The following ADAMTSL1 variants were observed in gnomAD, a reference collection of about 807,000 sequenced individuals.
ADAMTSL1 encodes the protein ADAMTS like 1, also known as ADAMTS-like protein 1.
Under a neutral mutation model 201.8 loss-of-function variants are expected in ADAMTSL1, and 126 were observed. The observed-to-expected ratio is 0.62, with a 90% confidence interval of 0.54 to 0.72. The LOEUF (loss-of-function observed/expected upper bound fraction) is 0.72, where lower values mean the gene tolerates loss of function less well. ADAMTSL1 is among the 30% of genes least tolerant of loss of function. The probability of loss-of-function intolerance (pLI) is 0.00; values close to 1 mark genes in which losing one functional copy is unlikely to be tolerated. For missense variants in ADAMTSL1, 2,679 were observed against 2,277.8 expected (o/e 1.18, Z -3.59); for synonymous variants, 1,121 against 903.4 (o/e 1.24, Z -4.32).
chr9:18,770,774 G>T lies in ADAMTSL1; in HGVS notation c.2390G>T (p.Trp797Leu). 1 of 1,613,696 alleles carries T rather than the reference G, an allele frequency of 6.2e-7. No individual in the cohort carries two copies. The highest frequency in any genetic ancestry group is 1.1e-5 in the South Asian group (1 of 90,986). ...CCCAGCGAGTGGCTTCTCTCAGACT[G>T]GACAGAGGTATGTATGTTCCTCCGA... ...DCPSEWLLSD[W>L]TECSTSCGEG... The change falls in exon 17 of 29, where the codon TGG becomes TTG. Residue 797 changes from tryptophan to leucine, a missense_variant. By Grantham distance (61) the Trp-to-Leu change is moderately conservative. Transcript: ENST00000380548.
chr9:18,731,095 G>A (rs564531817), intron 15 of ADAMTSL1, among the ~76,000 whole-genome samples: 2 of 152,234 alleles, frequency 1.3e-5, no homozygotes, highest in South Asian at 2.1e-4. Context: ...TTCCCAATGG[G>A]GGAATCTTGG....
At chr9:18,864,995 T>C (rs997023297) in intron 23 of ADAMTSL1, among the ~76,000 whole-genome samples, 3 of 152,196 alleles carry the variant, frequency 2.0e-5, no homozygotes, top group Admixed American at 6.5e-5. Flanking sequence ...ATCACACATT[T>C]TTTTTCTCCT....
intron 4 of ADAMTSL1, among the ~76,000 whole-genome samples, chr9:18,579,401 C>G (rs933572852): frequency 6.8e-6 from 1 of 146,570 alleles, no homozygotes; most frequent in Non-Finnish European, 1.5e-5. Context: ...TGCTAGATGA[C>G]GAGTTAGTGG....
chr9:18,107,173 G>T (rs1353228166), intron 1 of ADAMTSL1, among the ~76,000 whole-genome samples: 1 of 152,146 alleles, frequency 6.6e-6, no homozygotes, highest in Admixed American at 6.6e-5. Flanking sequence ...GGCTGCATTA[G>T]ATATTTGTAA....
chr9:17,975,549 A>G (rs1203023721), intron 1 of ADAMTSL1, among the ~76,000 whole-genome samples: 2 of 152,034 alleles, frequency 1.3e-5, no homozygotes, highest in Non-Finnish European at 2.9e-5. Context: ...ATAGTTAACT[A>G]TGGCCATTAG....
At chr9:18,225,886 T>C (rs963838173) in intron 2 of ADAMTSL1, among the ~76,000 whole-genome samples, 4 of 152,156 alleles carry the variant, frequency 2.6e-5, no homozygotes, top group Non-Finnish European at 4.4e-5. Context: ...CAAAAGTCTT[T>C]GTGAATTCAA....
intron 1 of ADAMTSL1, among the ~76,000 whole-genome samples, chr9:18,027,614 G>A (rs1820759530): frequency 6.6e-6 from 1 of 151,880 alleles, no homozygotes. Flanking sequence ...TGAATTCACT[G>A]AGTTTTGCTT....
intron 1 of ADAMTSL1, among the ~76,000 whole-genome samples, chr9:18,016,827 G>A (rs1820279484): frequency 6.6e-6 from 1 of 152,046 alleles, no homozygotes; most frequent in Non-Finnish European, 1.5e-5. Flanking sequence ...TCTGCGTCAT[G>A]TTTATGGTCA....
At chr9:18,423,331 C>T (rs1319691303) in intron 2 of ADAMTSL1, among the ~76,000 whole-genome samples, 1 of 152,140 alleles carries the variant, frequency 6.6e-6, no homozygotes, top group Non-Finnish European at 1.5e-5. Context: ...CATAAGTCAC[C>T]TAATAGGAAA....
chr9:18,626,934 C>A (rs1337545292), intron 5 of ADAMTSL1, among the ~76,000 whole-genome samples: 1 of 126,760 alleles, frequency 7.9e-6, no homozygotes, highest in East Asian at 2.3e-4. Context: ...TTCTTTCTTT[C>A]TTTCCTTTCT....
intron 5 of ADAMTSL1, among the ~76,000 whole-genome samples, chr9:18,625,070 C>T (rs1161320386): frequency 6.6e-6 from 1 of 152,136 alleles, no homozygotes; most frequent in East Asian, 1.9e-4. Context: ...GTGAGGCGAC[C>T]CACTGGCAGG....
chr9:18,271,435 T>C (rs965278836), intron 2 of ADAMTSL1, among the ~76,000 whole-genome samples: 3 of 152,138 alleles, frequency 2.0e-5, no homozygotes, highest in Non-Finnish European at 4.4e-5. Flanking sequence ...GTTTGGTTTT[T>C]TGTCCTTGTG....
chr9:18,214,762 A>G (rs900685116), intron 2 of ADAMTSL1, among the ~76,000 whole-genome samples: 1 of 152,208 alleles, frequency 6.6e-6, no homozygotes, highest in East Asian at 1.9e-4. Context: ...ATTTAAAAAT[A>G]TTTCAAAACA....
intron 1 of ADAMTSL1, among the ~76,000 whole-genome samples, chr9:18,108,335 G>T (rs2131871876): frequency 6.6e-6 from 1 of 152,026 alleles, no homozygotes; most frequent in East Asian, 1.9e-4. Context: ...ATGTAGCTGG[G>T]AGTACAGGCT....
At chr9:18,818,169 G>A (rs1049421702) in intron 21 of ADAMTSL1, among the ~76,000 whole-genome samples, 5 of 152,152 alleles carry the variant, frequency 3.3e-5, no homozygotes, top group African/African-American at 1.2e-4. Context: ...GCCACAATGG[G>A]ATGAAGAAAT....
intron 9 of ADAMTSL1, among the ~76,000 whole-genome samples, chr9:18,666,469 C>G (rs1829441793): frequency 1.3e-5 from 2 of 152,118 alleles, no homozygotes; most frequent in Non-Finnish European, 2.9e-5. Context: ...TCCCAGAAGT[C>G]CAGAGACACA....
chr9:18,169,602 G>A (rs1035087168), intron 2 of ADAMTSL1, among the ~76,000 whole-genome samples: 67 of 152,158 alleles, frequency 4.4e-4, no homozygotes, highest in African/African-American at 1.4e-3. Flanking sequence ...TTGACTTGGC[G>A]ATGCGGGCTC....
intron 2 of ADAMTSL1, among the ~76,000 whole-genome samples, chr9:18,377,102 G>C (rs972920481): frequency 2.6e-5 from 4 of 152,292 alleles, no homozygotes; most frequent in Admixed American, 6.5e-5. Context: ...TATGAATATA[G>C]ACTGAGAAGA....
At chr9:18,212,901 C>T (rs1320983724) in intron 2 of ADAMTSL1, among the ~76,000 whole-genome samples, 1 of 152,130 alleles carries the variant, frequency 6.6e-6, no homozygotes, top group African/African-American at 2.4e-5. Context: ...GAGAACAACA[C>T]CTGAAAGTCT....
Sources: allele counts gnomAD v4.1 joint callset (sites outside exome capture counted in the v4.1 genomes callset), GRCh38; gene constraint gnomAD v4.1.1; transcripts MANE v1.5; gene names NCBI Gene and HGNC (gene_info 2026-07-23, HGNC 2026-07-21).